TFB1M: variants seen among roughly 807,000 people sequenced by gnomAD.
TFB1M encodes the protein transcription factor B1, mitochondrial.
A neutral mutation model predicts 31.1 loss-of-function variants in TFB1M; 27 were observed. The ratio of observed to expected loss-of-function variants is 0.87; its 90% CI spans 0.64 to 1.20. The LOEUF (loss-of-function observed/expected upper bound fraction) is 1.20, where lower values mean the gene tolerates loss of function less well. Among genes scored for constraint, TFB1M ranks in the 50% most tolerant of loss-of-function variants. The probability of loss-of-function intolerance (pLI) is 0.00; values close to 1 mark genes in which losing one functional copy is unlikely to be tolerated. For missense variants in TFB1M, 394 were observed against 418.7 expected, an observed-to-expected ratio of 0.94 and a Z score of 0.51; for synonymous variants, 166 against 151.8, an observed-to-expected ratio of 1.09 and a Z score of -0.69.
chr6:155,293,105 T>C (rs993608675), intron 4 of TFB1M, among the ~76,000 whole-genome samples: 1 of 152,112 alleles, frequency 6.6e-6, no homozygotes, highest in African/African-American at 2.4e-5. Context: ...CCCAAAGTGT[T>C]GAGATTACAG....
At chr6:155,273,836 T>C (rs1438710666) in intron 5 of TFB1M, among the ~76,000 whole-genome samples, 2 of 152,196 alleles carry the variant, frequency 1.3e-5, no homozygotes, top group Admixed American at 1.3e-4. Context: ...TGCTTGAGAT[T>C]GTCTGTCTGA....
chr6:155,232,652 G>A, the TFB1M span: 1 of 152,226 alleles, frequency 6.6e-6, no homozygotes, highest in African/African-American at 2.4e-5. Context: ...TCAGCACAGA[G>A]TGGGTCAGGA....
At chr6:155,287,575 T>TGTGTGTGC (rs56051631) in intron 4 of TFB1M, among the ~76,000 whole-genome samples, 1 of 151,586 alleles carries the variant, frequency 6.6e-6, no homozygotes, top group African/African-American at 2.4e-5. Flanking sequence ...TGTGTGTGTG[T>TGTGTGTGC]ATGTGTGTGT....
At chr6:155,307,907 C>T (rs1253333202) in intron 2 of TFB1M, among the ~76,000 whole-genome samples, 2 of 132,816 alleles carry the variant, frequency 1.5e-5, no homozygotes, top group African/African-American at 5.7e-5. Flanking sequence ...CTAAAATAAA[C>T]AGAAAAAAAA....
the TFB1M span, among the ~76,000 whole-genome samples, chr6:155,246,262 C>T: frequency 3.3e-5 from 5 of 152,096 alleles, no homozygotes; most frequent in Admixed American, 1.3e-4. Context: ...TTTATCCTGA[C>T]GCCCTTAGTG....
chr6:155,287,002 C>T (rs1776690167), intron 4 of TFB1M, among the ~76,000 whole-genome samples: 3 of 151,898 alleles, frequency 2.0e-5, no homozygotes, highest in Admixed American at 2.0e-4. Flanking sequence ...TAAGGCAACT[C>T]ACATAAGAGA....
At chr6:155,310,862 T>G (rs994150304) in intron 2 of TFB1M, 6 of 276,746 alleles carry the variant, frequency 2.2e-5, no homozygotes, top group Non-Finnish European at 4.2e-5. Flanking sequence ...TTTTTATTTA[T>G]TTTTGAAGGA....
At chr6:155,314,241 C>T (rs1164130524) in intron 1 of TFB1M, 55 bp downstream of exon 1, 4 of 1,603,170 alleles carry the variant, frequency 2.5e-6, no homozygotes, top group Non-Finnish European at 3.4e-6. Flanking sequence ...ACCCCCCGGC[C>T]CACGCCCCCA....
At chr6:155,252,300 T>C (rs1400631428), downstream of TFB1M, among the ~76,000 whole-genome samples, 1 of 152,150 alleles carries the variant, frequency 6.6e-6, no homozygotes, top group African/African-American at 2.4e-5. Context: ...GGTGAAACCC[T>C]GCCTCTACCA....
the TFB1M span, chr6:155,240,553 G>A: frequency 6.2e-7 from 1 of 1,613,998 alleles, no homozygotes; most frequent in Admixed American, 1.7e-5. Flanking sequence ...TCACTGCACT[G>A]TGCAGGAGTT....
the TFB1M span, chr6:155,244,568 C>T: frequency 2.1e-6 from 3 of 1,451,642 alleles, no homozygotes; most frequent in Admixed American, 4.3e-5. Flanking sequence ...TGAAGAATTT[C>T]CTTGTGATTT....
intron 5 of TFB1M, among the ~76,000 whole-genome samples, chr6:155,280,871 T>G (rs926321682): frequency 1.3e-5 from 2 of 152,192 alleles, no homozygotes; most frequent in Non-Finnish European, 2.9e-5. Context: ...TCTAAAACGC[T>G]CTTCAAAAGT....
At chr6:155,233,558 C>T in the TFB1M span, among the ~76,000 whole-genome samples, 1 of 152,278 alleles carries the variant, frequency 6.6e-6, no homozygotes, top group East Asian at 1.9e-4. Context: ...TACATTAAAA[C>T]ACAAATAACT....
intron 1 of TFB1M, 133 bp from the exon 2 acceptor site, chr6:155,311,472 G>T: frequency 1.3e-6 from 1 of 769,326 alleles, no homozygotes. Flanking sequence ...ATATTTATTT[G>T]ACTATTTAAC....
At chr6:155,287,157 G>A (rs56204283) in intron 4 of TFB1M, among the ~76,000 whole-genome samples, 8,846 of 151,948 alleles carry the variant, frequency 0.058, 283 homozygotes, top group Non-Finnish European at 0.073. Context: ...GAGGATATCT[G>A]CAGCTATAGG....
intron 2 of TFB1M, 118 bp from the exon 3 acceptor site, chr6:155,298,703 C>A (rs910002196): frequency 2.9e-6 from 2 of 699,150 alleles, no homozygotes; most frequent in Non-Finnish European, 5.1e-6. Flanking sequence ...CAGGGGTGAT[C>A]ATTAATGAAC....
At chr6:155,290,911 G>A (rs1308943398) in intron 4 of TFB1M, among the ~76,000 whole-genome samples, 1 of 152,098 alleles carries the variant, frequency 6.6e-6, no homozygotes, top group Non-Finnish European at 1.5e-5. Context: ...AAATTCACAA[G>A]TCCCCCAGAG....
chr6:155,251,225 C>A (rs1475979721), downstream of TFB1M, among the ~76,000 whole-genome samples: 4 of 152,232 alleles, frequency 2.6e-5, no homozygotes, highest in Non-Finnish European at 4.4e-5. Flanking sequence ...CCTTCTGCTG[C>A]TTGGCTCAGG....
rs746622539 is a variant in TFB1M at position 155,257,985 on chromosome 6, A to AGAT, written c.889_891dup (p.Ile297dup). The AGAT allele has an allele frequency of 1.5e-5, 25 of 1,614,196 alleles. No individual in the cohort carries two copies. Among genetic ancestry groups the AGAT allele is most frequent in the Admixed American group, 3.3e-5 (2 of 60,018 alleles). ...ACATCACAGAGGCTCTTAAAGTGTG[A>AGAT]GATGGAGAGCTGGCGGGGCCGAAGA... On this transcript the variant is annotated inframe_insertion, in exon 7 of 7. Transcript: ENST00000367166.
Sources: gnomAD v4.1 joint callset for allele counts (sites outside exome capture counted in the v4.1 genomes callset) on GRCh38, gnomAD v4.1.1 for gene constraint, MANE v1.5 for transcripts, NCBI Gene and HGNC (gene_info 2026-07-23, HGNC 2026-07-21) for gene names.